PINX1: variants seen among roughly 807,000 people sequenced by gnomAD.
PINX1 encodes the protein PIN2 (TERF1) interacting telomerase inhibitor 1, also known as PIN2/TERF1-interacting telomerase inhibitor 1.
PINX1 carries 34 observed loss-of-function variants against 25.4 expected under a neutral mutation model. The ratio of observed to expected loss-of-function variants is 1.34; its 90% CI spans 1.02 to 1.78. The LOEUF (loss-of-function observed/expected upper bound fraction) is 1.78, where lower values mean the gene tolerates loss of function less well. Ranked by LOEUF, PINX1 falls within the 40% of genes most tolerant of loss-of-function variation. The pLI is 0.00. For synonymous variants in PINX1, 197 were observed against 147.7 expected (o/e 1.33, Z -2.42); for missense variants, 592 against 404.9 (o/e 1.46, Z -3.97).
At chr8:10,806,958 C>CT (rs1376199932) in intron 6 of PINX1, among the ~76,000 whole-genome samples, 4 of 152,338 alleles carry the variant, frequency 2.6e-5, no homozygotes, top group African/African-American at 9.6e-5. Context: ...AACTCCCCAT[C>CT]TGAGAAGGCT....
At chr8:10,822,610 G>A (rs915095735) in intron 5 of PINX1, among the ~76,000 whole-genome samples, 1 of 152,178 alleles carries the variant, frequency 6.6e-6, no homozygotes, top group Non-Finnish European at 1.5e-5. Context: ...TATCAGAGTA[G>A]CTACTGGGAA....
At chr8:10,781,823 C>T (rs1056703139) in intron 6 of PINX1, among the ~76,000 whole-genome samples, 1 of 152,180 alleles carries the variant, frequency 6.6e-6, no homozygotes, top group Non-Finnish European at 1.5e-5. Flanking sequence ...AGCCCAGCAA[C>T]CCCTCTTCTG....
chr8:10,766,510 TC>T (rs1005119954), intron 6 of PINX1, among the ~76,000 whole-genome samples: 3 of 152,180 alleles, frequency 2.0e-5, no homozygotes, highest in African/African-American at 7.2e-5. Context: ...TGGCAGCTGC[TC>T]CTGAAGGGAG....
At chr8:10,819,708 C>A (rs892423861) in intron 6 of PINX1, among the ~76,000 whole-genome samples, 2 of 152,258 alleles carry the variant, frequency 1.3e-5, no homozygotes, top group Non-Finnish European at 2.9e-5. Context: ...AGGAAATACC[C>A]ATCAAACCCC....
intron 4 of PINX1, among the ~76,000 whole-genome samples, chr8:10,829,833 C>G (rs181293544): frequency 3.9e-5 from 6 of 152,086 alleles, no homozygotes; most frequent in African/African-American, 4.8e-5. Context: ...TACAGGCATA[C>G]GCCACCACGC....
At chr8:10,796,981 G>C (rs113671577) in intron 6 of PINX1, among the ~76,000 whole-genome samples, 2 of 151,978 alleles carry the variant, frequency 1.3e-5, no homozygotes, top group Non-Finnish European at 2.9e-5. Flanking sequence ...GGGAAACTCT[G>C]CCCTACAGCA....
chr8:10,813,524 A>T (rs1211959751), intron 6 of PINX1, among the ~76,000 whole-genome samples: 1 of 152,210 alleles, frequency 6.6e-6, no homozygotes, highest in Non-Finnish European at 1.5e-5. Flanking sequence ...CAGACTGGAT[A>T]ATCAGCAAGC....
At chr8:10,804,108 A>G (rs1802358253) in intron 6 of PINX1, among the ~76,000 whole-genome samples, 1 of 152,222 alleles carries the variant, frequency 6.6e-6, no homozygotes, top group South Asian at 2.1e-4. Context: ...TGGGCAGAAG[A>G]GGAAGACACA....
intron 6 of PINX1, among the ~76,000 whole-genome samples, chr8:10,795,350 G>C (rs1474534041): frequency 6.6e-6 from 1 of 152,164 alleles, no homozygotes; most frequent in African/African-American, 2.4e-5. Context: ...CCTTTCTAAA[G>C]ATGCCAGCAA....
chr8:10,786,516 A>C (rs565851620), intron 6 of PINX1, among the ~76,000 whole-genome samples: 1 of 152,322 alleles, frequency 6.6e-6, no homozygotes, highest in African/African-American at 2.4e-5. Context: ...GCGTGGCTGC[A>C]GCATAGGCAG....
chr8:10,782,315 G>C (rs1801610299), intron 6 of PINX1, among the ~76,000 whole-genome samples: 1 of 151,962 alleles, frequency 6.6e-6, no homozygotes, highest in African/African-American at 2.4e-5. Flanking sequence ...GTGTCAGGAG[G>C]TTCACTAAAT....
intron 6 of PINX1, among the ~76,000 whole-genome samples, chr8:10,800,533 G>A (rs1297688871): frequency 1.3e-5 from 2 of 150,970 alleles, no homozygotes; most frequent in Non-Finnish European, 2.9e-5. Flanking sequence ...GCAGTGGCGT[G>A]ATCTCAGCTC....
At chr8:10,795,045 A>T (rs1439935917) in intron 6 of PINX1, among the ~76,000 whole-genome samples, 1 of 152,210 alleles carries the variant, frequency 6.6e-6, no homozygotes, top group East Asian at 1.9e-4. Context: ...TATTATACTC[A>T]TCTAGAAAGT....
chr8:10,781,009 C>A (rs1801568501), intron 6 of PINX1, among the ~76,000 whole-genome samples: 1 of 152,096 alleles, frequency 6.6e-6, no homozygotes. Context: ...AACAGACACA[C>A]AGACCAATGG....
intron 4 of PINX1, 61 bp from the exon 5 acceptor site, chr8:10,826,305 T>G: frequency 2.3e-6 from 2 of 869,116 alleles, no homozygotes; most frequent in Non-Finnish European, 1.8e-6. Flanking sequence ...TTTATTCTCC[T>G]AACAGTGGAT....
chr8:10,789,899 A>T (rs1801870089), intron 6 of PINX1, among the ~76,000 whole-genome samples: 1 of 152,148 alleles, frequency 6.6e-6, no homozygotes, highest in Non-Finnish European at 1.5e-5. Context: ...TGGTTTCTCT[A>T]GAGTGGACAG....
chr8:10,833,781 G>A (rs1204775912), intron 2 of PINX1: 1 of 165,342 alleles, frequency 6.0e-6, no homozygotes, highest in Non-Finnish European at 1.3e-5. Flanking sequence ...CGACGACTGG[G>A]CTGCGGGAGG....
chr8:10,790,178 C>T (rs925485260), intron 6 of PINX1, among the ~76,000 whole-genome samples: 2 of 152,172 alleles, frequency 1.3e-5, no homozygotes, highest in Non-Finnish European at 2.9e-5. Context: ...TCCCCAACTA[C>T]ACCCCACCGG....
At chr8:10,834,339 C>G in intron 2 of PINX1, 1 of 231,780 alleles carries the variant, frequency 4.3e-6, no homozygotes, top group Admixed American at 5.3e-5. Flanking sequence ...TTAGAGATCG[C>G]TAAAGACCTC....
Sources: gnomAD v4.1 joint callset for allele counts (sites outside exome capture counted in the v4.1 genomes callset) on GRCh38, gnomAD v4.1.1 for gene constraint, MANE v1.5 for transcripts, NCBI Gene and HGNC (gene_info 2026-07-23, HGNC 2026-07-21) for gene names.